Variants in MCHR2 observed in about 807,000 individuals in gnomAD.
The protein encoded by MCHR2 is melanin-concentrating hormone receptor 2.
MCHR2 carries 15 observed loss-of-function variants against 24.8 expected under a neutral mutation model. The ratio of observed to expected loss-of-function variants is 0.60; its 90% confidence interval spans 0.40 to 0.93. The LOEUF (loss-of-function observed/expected upper bound fraction) is 0.93, where lower values mean the gene tolerates loss of function less well. Ranked by LOEUF, MCHR2 falls within the 40% of genes least tolerant of loss-of-function variation. MCHR2 has a pLI of 0.00. For missense variants in MCHR2, 386 were observed against 408.7 expected, an observed-to-expected ratio of 0.94 and a Z score of 0.48; for synonymous variants, 151 against 147.6, an observed-to-expected ratio of 1.02 and a Z score of -0.17.
intron 1 of MCHR2, among the ~76,000 whole-genome samples, chr6:99,970,752 A>G (rs1775394901): frequency 6.6e-6 from 1 of 152,226 alleles, no homozygotes; most frequent in South Asian, 2.1e-4. Flanking sequence ...AGTGTAAGGA[A>G]GGGATCCAGT....
intron 1 of MCHR2, among the ~76,000 whole-genome samples, chr6:99,973,747 G>A (rs1282054136): frequency 6.6e-6 from 1 of 152,132 alleles, no homozygotes; most frequent in African/African-American, 2.4e-5. Context: ...CTCTTGTAGG[G>A]CAGGCCTGGT....
chr6:99,973,721 G>C (rs1468960748), intron 1 of MCHR2, among the ~76,000 whole-genome samples: 1 of 152,100 alleles, frequency 6.6e-6, no homozygotes, highest in Non-Finnish European at 1.5e-5. Context: ...TCCATGTTTA[G>C]TGCTTCCTTC....
At chr6:99,959,192 T>C (rs1338980959) in intron 1 of MCHR2, among the ~76,000 whole-genome samples, 1 of 152,098 alleles carries the variant, frequency 6.6e-6, no homozygotes, top group East Asian at 1.9e-4. Flanking sequence ...TCAGATGGCA[T>C]GCTGCTATTT....
At chr6:99,943,176 A>G (rs779065314) in intron 3 of MCHR2, 33 bp from the exon 4 acceptor site, 1 of 1,560,670 alleles carries the variant, frequency 6.4e-7, no homozygotes, top group African/African-American at 1.4e-5. Flanking sequence ...TTTTGGAACA[A>G]TCAATAAAAG....
chr6:99,935,616 G>C (rs1204741350), intron 4 of MCHR2, among the ~76,000 whole-genome samples: 2 of 151,774 alleles, frequency 1.3e-5, no homozygotes, highest in African/African-American at 4.8e-5. Context: ...CTATTGATAG[G>C]CATTTAGATT....
chr6:99,959,834 G>GATA (rs111797843), intron 1 of MCHR2, among the ~76,000 whole-genome samples: 4,213 of 147,480 alleles, frequency 0.029, 137 homozygotes, highest in African/African-American at 0.079. Flanking sequence ...TAATAATAAT[G>GATA]ATAATAATAA....
Position 99,920,876 on chromosome 6 carries a change from C to T in MCHR2, c.*64G>A. On this transcript the variant is annotated 3_prime_UTR_variant, in exon 6 of 6. Transcript: ENST00000281806. Reference sequence around the variant, plus strand: ...GGCATAAACATATCGGTACACCTGCCCTTTCTGATAATACCAGTAAGATAG... The same window carrying T: ...GGCATAAACATATCGGTACACCTGCTCTTTCTGATAATACCAGTAAGATAG... The T allele has an allele frequency of 6.7e-7, 1 of 1,491,762 alleles. No homozygotes were observed. Among genetic ancestry groups the T allele is most frequent in the South Asian group, 1.2e-5 (1 of 80,584 alleles). The allele number at this position is 1,491,762 out of a possible 1,614,324, so 92.4% of individuals were successfully genotyped here.
At chr6:99,966,951 CTG>C (rs1775305940) in intron 1 of MCHR2, among the ~76,000 whole-genome samples, 1 of 152,134 alleles carries the variant, frequency 6.6e-6, no homozygotes, top group Admixed American at 6.6e-5. Flanking sequence ...CCCCCTTGCA[CTG>C]TCTCTCCATC....
rs550705046 is a variant in MCHR2 at position 99,983,910 on chromosome 6, A to C, written c.-28+10026T>G. ...TAGAGATAGAATTTAACTCCTTTAC[A>C]TCTATCATAATGACAGATGTGTTTG... On this transcript the variant is annotated intron_variant, in intron 1 of 5. Transcript: ENST00000281806. 2.0e-5 allele frequency among the ~76,000 whole-genome samples: 3 copies of C among 152,292 alleles called. No homozygotes were observed. The South Asian group carries it at 6.2e-4, about 32-fold the overall frequency.
intron 2 of MCHR2, among the ~76,000 whole-genome samples, chr6:99,954,651 G>A (rs534426304): frequency 5.9e-5 from 9 of 152,228 alleles, no homozygotes; most frequent in African/African-American, 1.7e-4. Flanking sequence ...TATTAGTGGT[G>A]TTAATGGTCA....
intron 5 of MCHR2, among the ~76,000 whole-genome samples, chr6:99,927,072 G>C (rs1472907679): frequency 6.6e-6 from 1 of 151,904 alleles, no homozygotes; most frequent in East Asian, 1.9e-4. Flanking sequence ...AGTTTTCCCG[G>C]CACCATTTAT....
intron 3 of MCHR2, among the ~76,000 whole-genome samples, chr6:99,946,359 A>G (rs1251662180): frequency 6.6e-6 from 1 of 152,180 alleles, no homozygotes; most frequent in Non-Finnish European, 1.5e-5. Context: ...ATATTTAAAA[A>G]TTTACCATTA....
intron 1 of MCHR2, among the ~76,000 whole-genome samples, chr6:99,982,193 C>T (rs1338252371): frequency 3.3e-5 from 5 of 152,044 alleles, no homozygotes; most frequent in East Asian, 1.9e-4. Flanking sequence ...TCTCCCACTT[C>T]GACAAAATTC....
chr6:99,967,159 T>TA (rs539361872), intron 1 of MCHR2, among the ~76,000 whole-genome samples: 49,990 of 147,844 alleles, frequency 0.34, 8,583 homozygotes, highest in Admixed American at 0.43. Context: ...TTGTTTTTCT[T>TA]AAAAAAAAAA....
At chr6:99,933,361 C>G (rs146255539) in intron 5 of MCHR2, among the ~76,000 whole-genome samples, 4 of 152,290 alleles carry the variant, frequency 2.6e-5, no homozygotes, top group African/African-American at 4.8e-5. Flanking sequence ...AGCATTCTCT[C>G]TAGCTGTTGG....
At chr6:99,955,578 T>C (rs1775043099) in intron 2 of MCHR2, among the ~76,000 whole-genome samples, 1 of 152,150 alleles carries the variant, frequency 6.6e-6, no homozygotes, top group Non-Finnish European at 1.5e-5. Flanking sequence ...AAATGTTGCA[T>C]TGCAGTTTTA....
chr6:99,922,287 T>C (rs1210431855), intron 5 of MCHR2, among the ~76,000 whole-genome samples: 1 of 152,074 alleles, frequency 6.6e-6, no homozygotes, highest in Non-Finnish European at 1.5e-5. Flanking sequence ...TTTGTATTTT[T>C]AGTAAGAGAC....
intron 3 of MCHR2, among the ~76,000 whole-genome samples, chr6:99,944,967 GCTT>G (rs1418817339): frequency 1.3e-5 from 2 of 152,096 alleles, no homozygotes; most frequent in African/African-American, 4.8e-5. Flanking sequence ...ATCTGCCTCT[GCTT>G]CTTCTTGCTC....
intron 1 of MCHR2, among the ~76,000 whole-genome samples, chr6:99,990,418 A>ATG (rs1045322424): frequency 3.9e-5 from 6 of 152,084 alleles, no homozygotes; most frequent in South Asian, 4.2e-4. Flanking sequence ...TTTACCCTGT[A>ATG]TGTGTGTGTG....
Sources: gnomAD v4.1 joint callset for allele counts (sites outside exome capture counted in the v4.1 genomes callset) on GRCh38, gnomAD v4.1.1 for gene constraint, MANE v1.5 for transcripts, NCBI Gene and HGNC (gene_info 2026-07-23, HGNC 2026-07-21) for gene names.